The following ATRNL1 variants were observed in gnomAD, a reference collection of about 807,000 sequenced individuals.
ATRNL1 encodes the protein attractin like 1.
A neutral mutation model predicts 182.7 loss-of-function variants in ATRNL1; 95 were observed. The ratio of observed to expected loss-of-function variants is 0.52; its 90% CI spans 0.44 to 0.62. ATRNL1 has a LOEUF of 0.62. Among genes scored for constraint, ATRNL1 ranks in the 20% least tolerant of loss-of-function variants. The probability of loss-of-function intolerance (pLI) is 0.00; values close to 1 mark genes in which losing one functional copy is unlikely to be tolerated. For synonymous variants in ATRNL1, 576 were observed against 568.3 expected, an observed-to-expected ratio of 1.01 and a Z score of -0.19; for missense variants, 1,471 against 1,679.5, an observed-to-expected ratio of 0.88 and a Z score of 2.17.
At chr10:115,305,192 A>T (rs1169455330) in intron 17 of ATRNL1, among the ~76,000 whole-genome samples, 1 of 151,908 alleles carries the variant, frequency 6.6e-6, no homozygotes, top group Non-Finnish European at 1.5e-5. Flanking sequence ...GTAGAGACTT[A>T]CTGACTTTCT....
intron 27 of ATRNL1, among the ~76,000 whole-genome samples, chr10:115,736,212 A>G (rs1331080578): frequency 2.0e-5 from 3 of 151,504 alleles, no homozygotes; most frequent in African/African-American, 7.3e-5. Context: ...TTTGTTTTCT[A>G]TCTCCTTCTC....
chr10:115,710,501 A>G (rs1375371858), intron 26 of ATRNL1, among the ~76,000 whole-genome samples: 1 of 152,168 alleles, frequency 6.6e-6, no homozygotes, highest in Non-Finnish European at 1.5e-5. Context: ...ATTATAGGAA[A>G]GTAGAAACTG....
chr10:115,818,286 G>A (rs1023267571), intron 27 of ATRNL1, among the ~76,000 whole-genome samples: 10 of 151,082 alleles, frequency 6.6e-5, no homozygotes, highest in Non-Finnish European at 1.5e-4. Context: ...TTTATGAAAA[G>A]GTATAGACTT....
At chr10:115,315,094 C>T (rs1246625580) in intron 17 of ATRNL1, among the ~76,000 whole-genome samples, 3 of 152,152 alleles carry the variant, frequency 2.0e-5, no homozygotes, top group African/African-American at 4.8e-5. Context: ...GTCACTTATA[C>T]TGGATGTCCA....
intron 10 of ATRNL1, among the ~76,000 whole-genome samples, chr10:115,242,828 CT>C (rs1216559985): frequency 6.6e-6 from 1 of 151,958 alleles, no homozygotes; most frequent in Non-Finnish European, 1.5e-5. Flanking sequence ...GTAATTTGAT[CT>C]TTTTCTTTTT....
At chr10:115,505,970 A>T (rs1313492156) in intron 24 of ATRNL1, among the ~76,000 whole-genome samples, 2 of 151,878 alleles carry the variant, frequency 1.3e-5, no homozygotes, top group Non-Finnish European at 2.9e-5. Context: ...AAAAAAAAAG[A>T]AGGCAGAACC....
intron 15 of ATRNL1, among the ~76,000 whole-genome samples, chr10:115,298,257 CAG>C (rs1226163785): frequency 1.3e-5 from 2 of 152,082 alleles, no homozygotes; most frequent in African/African-American, 4.8e-5. Flanking sequence ...ATTTACTTAT[CAG>C]AAATGGCTAA....
intron 19 of ATRNL1, among the ~76,000 whole-genome samples, chr10:115,343,353 A>G (rs1855834638): frequency 6.6e-6 from 1 of 152,010 alleles, no homozygotes; most frequent in Non-Finnish European, 1.5e-5. Context: ...GTATTTTCAA[A>G]TAGCCTGTCT....
intron 26 of ATRNL1, among the ~76,000 whole-genome samples, chr10:115,590,368 T>C (rs1855831125): frequency 6.6e-6 from 1 of 152,184 alleles, no homozygotes; most frequent in Non-Finnish European, 1.5e-5. Context: ...TTTGCTTTCT[T>C]TCTGTGTATT....
chr10:115,734,218 T>G (rs1555064522), intron 27 of ATRNL1, among the ~76,000 whole-genome samples: 1 of 152,118 alleles, frequency 6.6e-6, no homozygotes, highest in African/African-American at 2.4e-5. Flanking sequence ...CAAAAGTTAT[T>G]AAGTTTTAGG....
chr10:115,135,317 T>C (rs1229011618), intron 5 of ATRNL1, among the ~76,000 whole-genome samples: 11 of 152,216 alleles, frequency 7.2e-5, no homozygotes, highest in Non-Finnish European at 8.8e-5. Flanking sequence ...CTCCTTAAGC[T>C]GATAAGCAAC....
At chr10:115,456,279 A>G (rs1327355957) in intron 21 of ATRNL1, among the ~76,000 whole-genome samples, 1 of 152,218 alleles carries the variant, frequency 6.6e-6, no homozygotes, top group African/African-American at 2.4e-5. Context: ...TGTGGCACAT[A>G]TACACCATGG....
At chr10:115,148,844 G>C (rs1356438840) in intron 5 of ATRNL1, among the ~76,000 whole-genome samples, 1 of 148,320 alleles carries the variant, frequency 6.7e-6, no homozygotes, top group African/African-American at 2.5e-5. Flanking sequence ...CCTCCTCCCA[G>C]GTTCAAGTGA....
chr10:115,332,046 G>C (rs1177596260), intron 18 of ATRNL1, among the ~76,000 whole-genome samples: 1 of 152,090 alleles, frequency 6.6e-6, no homozygotes, highest in African/African-American at 2.4e-5. Flanking sequence ...TCCATAGGTG[G>C]CCTCAGGTGG....
chr10:115,429,531 G>C (rs930596949), intron 21 of ATRNL1, among the ~76,000 whole-genome samples: 2 of 152,018 alleles, frequency 1.3e-5, no homozygotes, highest in Non-Finnish European at 2.9e-5. Flanking sequence ...TTGTGACAAG[G>C]TTATATCATG....
intron 13 of ATRNL1, among the ~76,000 whole-genome samples, chr10:115,280,681 T>C (rs1852321279): frequency 6.6e-6 from 1 of 152,208 alleles, no homozygotes; most frequent in Non-Finnish European, 1.5e-5. Context: ...GCAGTCTTTC[T>C]CTGGTGTCTC....
At chr10:115,776,672 T>A (rs1365082431) in intron 27 of ATRNL1, among the ~76,000 whole-genome samples, 2 of 151,664 alleles carry the variant, frequency 1.3e-5, no homozygotes, top group Non-Finnish European at 2.9e-5. Context: ...GGAACCAGTG[T>A]CCCTGCTGAC....
chr10:115,419,280 A>G (rs1332539853), intron 20 of ATRNL1, among the ~76,000 whole-genome samples: 2 of 152,208 alleles, frequency 1.3e-5, no homozygotes, highest in African/African-American at 2.4e-5. Flanking sequence ...TAAAAGCTAT[A>G]ATAGATAACA....
chr10:115,376,755 A>AATT (rs1857695000), intron 19 of ATRNL1, among the ~76,000 whole-genome samples: 1 of 152,174 alleles, frequency 6.6e-6, no homozygotes, highest in South Asian at 2.1e-4. Context: ...GGATGTCTGT[A>AATT]ACCTTCCCAA....
Sources: allele counts gnomAD v4.1 joint callset (sites outside exome capture counted in the v4.1 genomes callset), GRCh38; gene constraint gnomAD v4.1.1; transcripts MANE v1.5; gene names NCBI Gene and HGNC (gene_info 2026-07-23, HGNC 2026-07-21).